The following MED20 variants were observed in gnomAD, a reference collection of about 807,000 sequenced individuals.
MED20 encodes mediator complex subunit 20.
MED20 carries 19 observed loss-of-function variants against 19.7 expected under a neutral mutation model. The ratio of observed to expected loss-of-function variants is 0.96; its 90% confidence interval spans 0.67 to 1.42. The LOEUF (loss-of-function observed/expected upper bound fraction) is 1.42. Ranked by LOEUF, MED20 falls within the 40% of genes most tolerant of loss-of-function variation. The pLI is 0.00. For synonymous variants in MED20, 105 were observed against 104.8 expected (o/e 1.00, Z -0.01); for missense variants, 225 against 273.0 (o/e 0.82, Z 1.24).
chr6:41,912,198 CCT>C (rs1775211104), intron 2 of MED20, among the ~76,000 whole-genome samples: 1 of 142,922 alleles, frequency 7.0e-6, no homozygotes, highest in African/African-American at 2.7e-5. Context: ...ACCATGCCCA[CCT>C]TTTTTTTTTT....
At chr6:41,915,632 A>C (rs1012143749) in intron 2 of MED20, among the ~76,000 whole-genome samples, 2 of 151,706 alleles carry the variant, frequency 1.3e-5, no homozygotes, top group African/African-American at 2.4e-5. Context: ...CTAAAAATAC[A>C]AAAAATTAGC....
chr6:41,919,203 C>T (rs1168487635), intron 1 of MED20, among the ~76,000 whole-genome samples: 1 of 150,540 alleles, frequency 6.6e-6, no homozygotes. Flanking sequence ...CACTAGGTCA[C>T]ACAGTTAATG....
At chr6:41,917,292 T>C in intron 1 of MED20, 1 of 172,854 alleles carries the variant, frequency 5.8e-6, no homozygotes, top group South Asian at 1.1e-4. Context: ...CCCAACTACG[T>C]GGGAGGCTCA....
chr6:41,908,439 T>A (rs895229836), intron 3 of MED20, among the ~76,000 whole-genome samples: 1 of 152,028 alleles, frequency 6.6e-6, no homozygotes, highest in Non-Finnish European at 1.5e-5. Flanking sequence ...ACACACACAC[T>A]CTCTGTGTCA....
intron 2 of MED20, among the ~76,000 whole-genome samples, chr6:41,910,907 G>C (rs1316621334): frequency 6.6e-6 from 1 of 151,592 alleles, no homozygotes. Context: ...TCAGGAGTTC[G>C]AGACCAGCCT....
At chr6:41,912,609 G>A (rs555894212) in intron 2 of MED20, among the ~76,000 whole-genome samples, 4 of 151,620 alleles carry the variant, frequency 2.6e-5, no homozygotes, top group South Asian at 2.1e-4. Flanking sequence ...TGCCCGCCTC[G>A]GCCTCCCAAA....
chr6:41,906,124 A>G lies in MED20; in HGVS notation c.*948T>C, dbSNP rs929925428. On this transcript the variant is annotated 3_prime_UTR_variant, in exon 4 of 4. Coordinates refer to ENST00000265350, the MANE Select transcript of MED20 (RefSeq NM_004275.5). ...TCACAGAATCCCTGAGTTTTAACTC[A>G]GCACATGACTGCCCAGATAAGAGGT... 2 of 152,260 alleles carry G rather than the reference A, an allele frequency of 1.3e-5. No homozygotes were observed. Among genetic ancestry groups the G allele is most frequent in the Non-Finnish European group, 2.9e-5 (2 of 68,056 alleles). The allele number at this position is 152,260 out of a possible 1,614,324, so 9.4% of individuals were successfully genotyped here.
At chr6:41,920,903 C>T (rs1775446696) in intron 1 of MED20, 102 bp downstream of exon 1, 1 of 1,467,220 alleles carries the variant, frequency 6.8e-7, no homozygotes, top group Non-Finnish European at 9.2e-7. Context: ...AACCCGAGGA[C>T]ATCTCCCTCA....
intron 2 of MED20, among the ~76,000 whole-genome samples, chr6:41,910,055 A>T (rs559847631): frequency 2.0e-5 from 3 of 152,296 alleles, no homozygotes; most frequent in Non-Finnish European, 2.9e-5. Flanking sequence ...AGGGAAAGGT[A>T]GATGGGATCC....
intron 1 of MED20, among the ~76,000 whole-genome samples, chr6:41,918,826 AGTCCCAG>A (rs1775383399): frequency 1.3e-5 from 2 of 150,226 alleles, no homozygotes. Context: ...GGGCGCCTGT[AGTCCCAG>A]CTACTCGGGA....
At chr6:41,908,483 C>A (rs1004773570) in intron 3 of MED20, among the ~76,000 whole-genome samples, 1 of 152,204 alleles carries the variant, frequency 6.6e-6, no homozygotes, top group African/African-American at 2.4e-5. Context: ...AACACTCTTT[C>A]TACCATGAAA....
chr6:41,907,318 G>A (rs1488856633), intron 3 of MED20, 31 bp from the exon 4 acceptor site: 2 of 1,577,704 alleles, frequency 1.3e-6, no homozygotes, highest in Admixed American at 3.6e-5. Context: ...GAATGAGGGT[G>A]AATGAAGGCT....
chr6:41,906,938 C>T lies in MED20; in HGVS notation c.*134G>A, dbSNP rs1409062074. 5.3e-6 allele frequency: 4 copies of T among 761,032 alleles called. No individual in the cohort carries two copies. Among genetic ancestry groups the T allele is most frequent in the Admixed American group, 2.8e-5 (1 of 36,048 alleles). 47.1% of individuals were successfully genotyped at this position (761,032 alleles called of 1,614,324 possible). A position where few individuals can be genotyped will look rare whatever the true frequency, so the allele number is the denominator to read the frequency against. ...GGACTCAGCCCCAGAACAAAAGCCACAGCTGAGAACCAGAGAAGGAGAGTA... is the reference window on the plus strand; with the variant it reads ...GGACTCAGCCCCAGAACAAAAGCCATAGCTGAGAACCAGAGAAGGAGAGTA... On this transcript the variant is annotated 3_prime_UTR_variant, in exon 4 of 4. Transcript: ENST00000265350.
At position 41,909,481 on chromosome 6, in the gene MED20, A is replaced by G; in HGVS notation, c.211T>C (p.Tyr71His). 12 of 1,614,218 alleles carry G rather than the reference A, an allele frequency of 7.4e-6. No individual in the cohort carries two copies. The highest frequency in any genetic ancestry group is 1.0e-5 in the Non-Finnish European group (12 of 1,180,044). The change falls in exon 3 of 4, where the codon TAC (tyrosine) becomes CAC (histidine). Residue 71 changes from tyrosine (Y) to histidine (H), a missense_variant. Physicochemically the swap from Tyr to His is moderately conservative, Grantham distance 83 (BLOSUM62 2). Coordinates refer to ENST00000265350, the MANE Select transcript of MED20 (RefSeq NM_004275.5). ...AAGAGGGCGAAACAGCTCAATGGGT[A>G]CTCTGAGTTGTGCATCACATACATC... is the stretch of plus-strand genomic sequence containing the variant. ...KLMYVMHNSEYPLSCFALFEN... is the reference protein window; with the variant it reads ...KLMYVMHNSEHPLSCFALFEN...
chr6:41,915,856 T>C (rs1775303547), intron 2 of MED20, among the ~76,000 whole-genome samples: 1 of 152,050 alleles, frequency 6.6e-6, no homozygotes, highest in South Asian at 2.1e-4. Context: ...TTTAGTACCT[T>C]GGTTTTGGTG....
chr6:41,915,463 A>G (rs569891581), intron 2 of MED20, among the ~76,000 whole-genome samples: 1 of 152,070 alleles, frequency 6.6e-6, no homozygotes, highest in Admixed American at 6.5e-5. Context: ...AAAGCACTTC[A>G]GCCTGGTCAA....
rs141034797 is a variant in MED20, at chr6:41,914,330, T to C, written c.169+2455A>G. 2.5e-3 allele frequency among the ~76,000 whole-genome samples: 375 copies of C among 152,324 alleles called. 3 individuals are homozygous for C. Among genetic ancestry groups the C allele is most frequent in the African/African-American group, 8.5e-3 (355 of 41,570 alleles). The stretch of plus-strand genomic sequence containing the variant: ...GGGCTTCCTTTCTCCCATCCTCTAA[T>C]CTTCTCTGGTGCCTCTCAATAACCA... On this transcript the variant is annotated intron_variant, in intron 2 of 3. Transcript: ENST00000265350.
rs1775021533 is a variant in MED20, at chr6:41,905,394, C to T, written c.*1678G>A. 6.6e-6 allele frequency: 1 copy of T among 152,150 alleles called. No homozygotes were observed. The highest frequency in any genetic ancestry group is 2.1e-4 in the South Asian group (1 of 4,834). The allele number at this position is 152,150 out of a possible 1,614,324, so 9.4% of individuals were successfully genotyped here. A position where few individuals can be genotyped will look rare whatever the true frequency, so the allele number is the denominator to read the frequency against. On this transcript the variant is annotated 3_prime_UTR_variant, in exon 4 of 4. Transcript: ENST00000265350. ...TTATTTTTGTAAACTATATCTAAAA[C>T]ATACCTCAATATAAAAAACCAGAAA...
chr6:41,918,953 CA>C lies in MED20; in HGVS notation c.15-2015del, dbSNP rs36153208. 4.2e-3 allele frequency among the ~76,000 whole-genome samples: 322 copies of C among 76,174 alleles called. 3 individuals are homozygous for C. The highest frequency in any genetic ancestry group is 0.017 in the African/African-American group (300 of 18,128). The allele number at this position is 76,174 out of a possible 152,430, so 50.0% of individuals were successfully genotyped here. On this transcript the variant is annotated intron_variant, in intron 1 of 3. Transcript: ENST00000265350. ...TGGGCGACAGAGCGAGACTCCGTCT[CA>C]AAAAAAAAAAAAAAATACAAAAAAA... is the stretch of plus-strand genomic sequence containing the variant.
Sources: allele counts gnomAD v4.1 joint callset (sites outside exome capture counted in the v4.1 genomes callset), GRCh38; gene constraint gnomAD v4.1.1; transcripts MANE v1.5; gene names NCBI Gene and HGNC (gene_info 2026-07-23, HGNC 2026-07-21).